COP1: variants seen among roughly 807,000 people sequenced by gnomAD.
COP1 encodes E3 ubiquitin-protein ligase COP1.
A neutral mutation model predicts 101.3 loss-of-function variants in COP1; 24 were observed. That is an observed-to-expected ratio of 0.24 (90% CI 0.17 to 0.33). The LOEUF (loss-of-function observed/expected upper bound fraction) is 0.33. Ranked by LOEUF, COP1 falls within the 10% of genes least tolerant of loss-of-function variation. COP1 has a pLI of 1.00. For synonymous variants in COP1, 347 were observed against 341.9 expected (o/e 1.01, Z -0.17); for missense variants, 663 against 906.2 (o/e 0.73, Z 3.45).
chr1:176,149,857 C>T (rs1267039424), intron 5 of COP1, among the ~76,000 whole-genome samples: 1 of 151,890 alleles, frequency 6.6e-6, no homozygotes, highest in East Asian at 1.9e-4. Flanking sequence ...CAATAAGAGA[C>T]AGTTTATGAA....
chr1:176,041,691 C>T (rs1670564234), intron 14 of COP1, among the ~76,000 whole-genome samples: 1 of 152,158 alleles, frequency 6.6e-6, no homozygotes, highest in Non-Finnish European at 1.5e-5. Context: ...GTAGGCCGGG[C>T]ATGGTGGCTC....
At chr1:176,032,445 T>C (rs1668794145) in intron 14 of COP1, among the ~76,000 whole-genome samples, 1 of 152,212 alleles carries the variant, frequency 6.6e-6, no homozygotes. Flanking sequence ...CCCTAAAGCT[T>C]AGCTACTTAA....
At chr1:175,965,030 T>C (rs1246029037) in intron 18 of COP1, among the ~76,000 whole-genome samples, 2 of 92,338 alleles carry the variant, frequency 2.2e-5, no homozygotes, top group Non-Finnish European at 5.3e-5. Flanking sequence ...TAAAAGACCA[T>C]ACCTGCCTTA....
At chr1:176,139,279 C>CAAAAAA (rs201417535) in intron 6 of COP1, among the ~76,000 whole-genome samples, 2 of 124,898 alleles carry the variant, frequency 1.6e-5, no homozygotes, top group East Asian at 2.3e-4. Flanking sequence ...AAAACAAAAA[C>CAAAAAA]AAAAAAAACA....
In COP1 at chr1:176,041,577, G is replaced by A. The variant is rs1445869956; in HGVS notation, c.1612+1609C>T. 2.6e-5 allele frequency among the ~76,000 whole-genome samples: 4 copies of A among 151,934 alleles called. No individual in the cohort carries two copies. In the South Asian group the frequency reaches 8.3e-4, roughly 32 times the overall value. On this transcript the variant is annotated intron_variant, in intron 14 of 19. Transcript: ENST00000367669. ...TTGGCCAGGCTGTTCTCAAACTTCT[G>A]GCCTCAAGTGATCCACCCGCCTCAA...
chr1:175,973,790 T>C (rs914108235), intron 18 of COP1, among the ~76,000 whole-genome samples: 2 of 152,198 alleles, frequency 1.3e-5, no homozygotes, highest in Admixed American at 6.5e-5. Flanking sequence ...AAACTCAGCA[T>C]TGTGCAAAGT....
Position 176,085,869 on chromosome 1 carries a change from T to C in COP1, c.1048A>G (p.Asn350Asp). 6.2e-7 allele frequency: 1 copy of C among 1,601,680 alleles called. No individual in the cohort carries two copies. The highest frequency in any genetic ancestry group is 8.5e-7 in the Non-Finnish European group (1 of 1,170,396). Residue 350 changes from asparagine to aspartate, a missense_variant, in exon 10 of 20, where the codon AAT becomes GAT. Physicochemically the swap from Asn to Asp is conservative, Grantham distance 23. Coordinates refer to ENST00000367669, the MANE Select transcript of COP1 (RefSeq NM_022457.7). ...SSQTKKQPWY[N>D]STLASRRKRL... ...TTTCGTCTTGATGCTAACGTGCTAT[T>C]ATACCAAGGCTGTTTCTTTGTCTAA...
intron 8 of COP1, among the ~76,000 whole-genome samples, chr1:176,124,096 T>G (rs780259980): frequency 6.6e-6 from 1 of 152,146 alleles, no homozygotes; most frequent in Non-Finnish European, 1.5e-5. Flanking sequence ...AGCAGTGATT[T>G]TAGATCTTTT....
chr1:176,079,599 A>G (rs1678721250), intron 11 of COP1, among the ~76,000 whole-genome samples: 1 of 152,062 alleles, frequency 6.6e-6, no homozygotes, highest in Admixed American at 6.6e-5. Context: ...CAATATACCC[A>G]TGTAACAAAC....
At chr1:176,134,616 T>A (rs1038453504) in intron 8 of COP1, among the ~76,000 whole-genome samples, 1 of 152,020 alleles carries the variant, frequency 6.6e-6, no homozygotes, top group African/African-American at 2.4e-5. Context: ...ATCTGTCCAA[T>A]AAAATTTAAC....
At chr1:175,976,145 T>C (rs866868370) in intron 18 of COP1, among the ~76,000 whole-genome samples, 12 of 152,250 alleles carry the variant, frequency 7.9e-5, no homozygotes, top group Admixed American at 2.6e-4. Flanking sequence ...GGGACTCTTA[T>C]TGAACTCTGA....
Position 176,036,976 on chromosome 1 carries a change from A to T in COP1, c.1612+6210T>A, listed in dbSNP as rs139337315. On this transcript the variant is annotated intron_variant, in intron 14 of 19. Transcript: ENST00000367669. ...TGAAGGAAATGAACTGTCAAAAATT[A>T]CACTCAAGAAGAGACAGATAAGTTT... Among the ~76,000 whole-genome samples, 399 of 152,350 alleles carry T rather than the reference A, an allele frequency of 2.6e-3. 3 individuals are homozygous for T. Among genetic ancestry groups the T allele is most frequent in the African/African-American group, 9.2e-3 (381 of 41,582 alleles).
chr1:175,996,119 G>T (rs551344251), intron 15 of COP1, among the ~76,000 whole-genome samples: 9 of 151,986 alleles, frequency 5.9e-5, no homozygotes, highest in African/African-American at 1.9e-4. Flanking sequence ...ATGTAATCCA[G>T]CATATAAACA....
chr1:176,147,679 A>C (rs897574136), intron 6 of COP1, among the ~76,000 whole-genome samples: 1 of 152,252 alleles, frequency 6.6e-6, no homozygotes, highest in Non-Finnish European at 1.5e-5. Context: ...CAGAAGTTTA[A>C]TAACGGAAAT....
chr1:175,970,834 C>A (rs543198736), intron 18 of COP1, among the ~76,000 whole-genome samples: 1 of 152,168 alleles, frequency 6.6e-6, no homozygotes, highest in South Asian at 2.1e-4. Context: ...GAGGTACATG[C>A]AAATGCTGAA....
chr1:176,156,371 G>C (rs915428048), intron 5 of COP1, among the ~76,000 whole-genome samples: 1 of 151,932 alleles, frequency 6.6e-6, no homozygotes, highest in Admixed American at 6.6e-5. Flanking sequence ...CAAGAAAGGA[G>C]GAAGAAGTGA....
intron 15 of COP1, among the ~76,000 whole-genome samples, chr1:176,024,048 A>C (rs1451841223): frequency 1.3e-5 from 2 of 152,146 alleles, no homozygotes; most frequent in African/African-American, 4.8e-5. Context: ...ACTTGAGGTC[A>C]GGAGTTCGAG....
chr1:176,133,173 CACAT>C (rs995957938), intron 8 of COP1, among the ~76,000 whole-genome samples: 1 of 130,194 alleles, frequency 7.7e-6, no homozygotes, highest in African/African-American at 2.5e-5. Flanking sequence ...CGTATGTACA[CACAT>C]ACGTATATAC....
At chr1:175,963,237 G>A (rs1651599938) in intron 18 of COP1, among the ~76,000 whole-genome samples, 1 of 151,742 alleles carries the variant, frequency 6.6e-6, no homozygotes, top group Non-Finnish European at 1.5e-5. Context: ...ACAGAAGAAG[G>A]TCTAAACTTT....
Sources: gnomAD v4.1 joint callset for allele counts (sites outside exome capture counted in the v4.1 genomes callset) on GRCh38, gnomAD v4.1.1 for gene constraint, MANE v1.5 for transcripts, NCBI Gene and HGNC (gene_info 2026-07-23, HGNC 2026-07-21) for gene names.